Variants in RBFOX1 observed in about 807,000 individuals in gnomAD.
RBFOX1 encodes the protein RNA binding fox-1 homolog 1.
RBFOX1 carries 8 observed loss-of-function variants against 57.7 expected under a neutral mutation model. The observed-to-expected ratio is 0.14, with a 90% CI of 0.08 to 0.25. The LOEUF (loss-of-function observed/expected upper bound fraction) is 0.25. Among genes scored for constraint, RBFOX1 ranks in the 10% least tolerant of loss-of-function variants. The pLI, the probability that RBFOX1 is intolerant of heterozygous loss-of-function variation, is 1.00. For synonymous variants in RBFOX1, 326 were observed against 222.4 expected (o/e 1.47, Z -4.15); for missense variants, 611 against 548.5 (o/e 1.11, Z -1.14).
At chr16:5,536,042 AC>A (rs533515646) in intron 2 of RBFOX1, among the ~76,000 whole-genome samples, 207 of 150,968 alleles carry the variant, frequency 1.4e-3, no homozygotes, top group African/African-American at 4.7e-3. Flanking sequence ...GGAATCTCTT[AC>A]TTTTAGCTTC....
At chr16:5,773,047 G>T (rs1270980593) in intron 3 of RBFOX1, among the ~76,000 whole-genome samples, 4 of 152,086 alleles carry the variant, frequency 2.6e-5, no homozygotes, top group African/African-American at 9.7e-5. Context: ...AAGTTGCGGA[G>T]GGGCAGGACA....
chr16:6,674,229 A>C lies in RBFOX1; in HGVS notation c.-16+19579A>C, dbSNP rs112332667. Among the ~76,000 whole-genome samples the C allele has an allele frequency of 5.3e-3, 806 of 152,260 alleles. 1 individual carries two copies. The highest frequency in any genetic ancestry group is 0.018 in the African/African-American group (742 of 41,554). The stretch of plus-strand genomic sequence containing the variant: ...CCTGTGAATGTAAATTTATTTAGAG[A>C]TAGGGTCTTTGCAGATGTTATCAAG... On this transcript the variant is annotated intron_variant, in intron 3 of 15. Coordinates refer to ENST00000550418, the MANE Select transcript of RBFOX1 (RefSeq NM_018723.4).
At chr16:6,941,411 T>A (rs2078491913) in intron 3 of RBFOX1, among the ~76,000 whole-genome samples, 1 of 151,166 alleles carries the variant, frequency 6.6e-6, no homozygotes, top group African/African-American at 2.4e-5. Flanking sequence ...TTTTCTCATT[T>A]GGAATATTAG....
At chr16:7,064,762 C>T (rs569259226) in intron 4 of RBFOX1, among the ~76,000 whole-genome samples, 1 of 152,176 alleles carries the variant, frequency 6.6e-6, no homozygotes, top group African/African-American at 2.4e-5. Context: ...AAATGAACAA[C>T]CAACTAACCA....
chr16:7,235,163 TG>T (rs2093706136), intron 4 of RBFOX1, among the ~76,000 whole-genome samples: 1 of 152,260 alleles, frequency 6.6e-6, no homozygotes, highest in Non-Finnish European at 1.5e-5. Flanking sequence ...AACATTCATT[TG>T]GCATCATATA....
At chr16:7,243,519 G>T (rs1349010925) in intron 4 of RBFOX1, among the ~76,000 whole-genome samples, 1 of 152,160 alleles carries the variant, frequency 6.6e-6, no homozygotes, top group Non-Finnish European at 1.5e-5. Flanking sequence ...GGGCTCCCCA[G>T]GAAGTTGACC....
At chr16:6,643,205 C>T (rs1003185671) in intron 2 of RBFOX1, among the ~76,000 whole-genome samples, 7 of 152,108 alleles carry the variant, frequency 4.6e-5, no homozygotes, top group African/African-American at 1.4e-4. Flanking sequence ...AGTTTACGGA[C>T]CTGATGAATT....
intron 4 of RBFOX1, among the ~76,000 whole-genome samples, chr16:7,320,576 G>A (rs1387909593): frequency 2.6e-5 from 4 of 152,198 alleles, no homozygotes; most frequent in African/African-American, 9.7e-5. Flanking sequence ...GAATCTATTA[G>A]TTTTAATGGA....
At chr16:7,252,217 G>C (rs1194275364) in intron 4 of RBFOX1, among the ~76,000 whole-genome samples, 1 of 152,134 alleles carries the variant, frequency 6.6e-6, no homozygotes, top group African/African-American at 2.4e-5. Context: ...AGAGATTTTT[G>C]TTTGTTTCCC....
intron 3 of RBFOX1, among the ~76,000 whole-genome samples, chr16:6,871,647 G>A (rs2060903720): frequency 6.6e-6 from 1 of 151,586 alleles, no homozygotes; most frequent in South Asian, 2.1e-4. Flanking sequence ...CTGGAGTGCT[G>A]TCAACACTTC....
intron 2 of RBFOX1, among the ~76,000 whole-genome samples, chr16:6,394,902 T>C (rs1309375992): frequency 6.6e-6 from 1 of 152,202 alleles, no homozygotes; most frequent in Non-Finnish European, 1.5e-5. Context: ...ACTAGCACTA[T>C]TAAGCGTGTT....
At chr16:7,456,829 G>C (rs894214096) in intron 4 of RBFOX1, among the ~76,000 whole-genome samples, 1 of 152,130 alleles carries the variant, frequency 6.6e-6, no homozygotes, top group Admixed American at 6.5e-5. Context: ...CCCTGGAGCA[G>C]GGCTGTATCA....
At chr16:6,218,378 G>A (rs1382561384) in intron 1 of RBFOX1, among the ~76,000 whole-genome samples, 3 of 151,828 alleles carry the variant, frequency 2.0e-5, no homozygotes, top group Non-Finnish European at 4.4e-5. Flanking sequence ...GCACAATCTC[G>A]GCTCACTGCG....
intron 3 of RBFOX1, among the ~76,000 whole-genome samples, chr16:5,664,641 C>T: frequency 6.6e-6 from 1 of 152,294 alleles, no homozygotes; most frequent in East Asian, 1.9e-4. Context: ...GTTTATCCTA[C>T]TTGAGATGGA....
At position 6,842,159 on chromosome 16, in the gene RBFOX1, TAAA is replaced by T. The variant is rs1567511635; in HGVS notation, c.-16+187510_-16+187512del. On this transcript the variant is annotated intron_variant, in intron 3 of 15. Transcript: ENST00000550418. ...CTGTCTCAGAAAAAAAAATAAAAAA[TAAA>T]TAAATAAATAAATAAATAAATAAAT... Among the ~76,000 whole-genome samples, 9 of 88,198 alleles carry T rather than the reference TAAA, an allele frequency of 1.0e-4. 1 individual carries two copies. The highest frequency in any genetic ancestry group is 4.4e-4 in the African/African-American group (9 of 20,664). 57.9% of individuals were successfully genotyped at this position (88,198 alleles called of 152,430 possible).
At chr16:6,325,108 A>G (rs1289116304) in intron 2 of RBFOX1, among the ~76,000 whole-genome samples, 2 of 152,038 alleles carry the variant, frequency 1.3e-5, no homozygotes, top group Non-Finnish European at 2.9e-5. Context: ...ATAAGCCCAG[A>G]ACTTTGGGAG....
At chr16:7,094,773 T>TGTGTGTGTGTGG (rs1272219459) in intron 4 of RBFOX1, among the ~76,000 whole-genome samples, 10 of 141,034 alleles carry the variant, frequency 7.1e-5, no homozygotes, top group South Asian at 2.3e-4. Flanking sequence ...TGTGTGTGTG[T>TGTGTGTGTGTGG]GTGGGTGTGT....
intron 15 of RBFOX1, chr16:7,710,228 A>T (rs936671824): frequency 2.2e-4 from 235 of 1,052,436 alleles, no homozygotes; most frequent in Non-Finnish European, 2.5e-4. Context: ...GCATTCAACA[A>T]CTCTGCTTCA....
chr16:5,538,647 C>G (rs2044802294), intron 2 of RBFOX1, among the ~76,000 whole-genome samples: 1 of 144,562 alleles, frequency 6.9e-6, no homozygotes. Context: ...TTTTTTAAGA[C>G]AGAGTCTTAC....
Sources: gnomAD v4.1 joint callset for allele counts (sites outside exome capture counted in the v4.1 genomes callset) on GRCh38, gnomAD v4.1.1 for gene constraint, MANE v1.5 for transcripts, NCBI Gene and HGNC (gene_info 2026-07-23, HGNC 2026-07-21) for gene names.